Variants in DPP10 observed in about 807,000 individuals in gnomAD.
DPP10 encodes the protein dipeptidyl peptidase like 10.
A neutral mutation model predicts 120.9 loss-of-function variants in DPP10; 33 were observed. That is an observed-to-expected ratio of 0.27 (90% CI 0.21 to 0.37). The LOEUF is 0.37. DPP10 is among the 10% of genes least tolerant of loss of function. DPP10 has a pLI of 1.00. For missense variants in DPP10, 816 were observed against 942.8 expected, an observed-to-expected ratio of 0.87 and a Z score of 1.76; for synonymous variants, 337 against 326.1, an observed-to-expected ratio of 1.03 and a Z score of -0.36.
At chr2:115,826,834 G>T (rs1203681949) in intron 21 of DPP10, among the ~76,000 whole-genome samples, 1 of 151,952 alleles carries the variant, frequency 6.6e-6, no homozygotes, top group African/African-American at 2.4e-5. Flanking sequence ...ATCTATTTGT[G>T]TATTTACATT....
At chr2:115,499,661 T>G in intron 4 of DPP10, 57 bp downstream of exon 4, 1 of 1,292,676 alleles carries the variant, frequency 7.7e-7, no homozygotes, top group Non-Finnish European at 1.1e-6. Flanking sequence ...GAAAGCTCTC[T>G]AGATGTACAT....
chr2:115,122,780 A>G (rs548834518), intron 1 of DPP10, among the ~76,000 whole-genome samples: 1 of 152,170 alleles, frequency 6.6e-6, no homozygotes, highest in Non-Finnish European at 1.5e-5. Flanking sequence ...CTTAGGCTTT[A>G]GCCCTACCAC....
At chr2:115,638,946 C>T (rs949073845) in intron 5 of DPP10, among the ~76,000 whole-genome samples, 1 of 152,140 alleles carries the variant, frequency 6.6e-6, no homozygotes, top group Admixed American at 6.5e-5. Flanking sequence ...CTCAGGTAGA[C>T]AAGAAGCCAA....
chr2:114,667,707 A>G (rs1471164536), intron 1 of DPP10, among the ~76,000 whole-genome samples: 4 of 152,172 alleles, frequency 2.6e-5, no homozygotes, highest in African/African-American at 9.6e-5. Context: ...TACAGAGGGG[A>G]TAAGACTTCA....
At chr2:115,680,535 C>T (rs2090578668) in intron 5 of DPP10, among the ~76,000 whole-genome samples, 1 of 151,686 alleles carries the variant, frequency 6.6e-6, no homozygotes, top group Admixed American at 6.6e-5. Flanking sequence ...GAATAAAAAA[C>T]AAAAGTGGAT....
intron 1 of DPP10, among the ~76,000 whole-genome samples, chr2:114,896,531 C>T (rs1210173668): frequency 6.6e-6 from 1 of 151,862 alleles, no homozygotes; most frequent in East Asian, 1.9e-4. Flanking sequence ...ATTTGGCTCT[C>T]TGTTTGTCTG....
intron 5 of DPP10, among the ~76,000 whole-genome samples, chr2:115,548,277 A>G (rs984853680): frequency 2.0e-5 from 3 of 152,180 alleles, no homozygotes; most frequent in African/African-American, 7.2e-5. Context: ...CTTACCAACC[A>G]GAAAAGTGGA....
At chr2:115,483,448 T>C (rs1252101173) in intron 3 of DPP10, among the ~76,000 whole-genome samples, 1 of 76,168 alleles carries the variant, frequency 1.3e-5, no homozygotes, top group East Asian at 4.2e-4. Flanking sequence ...TCTATCTATC[T>C]ATCTATCTAT....
At position 114,529,752 on chromosome 2, in the gene DPP10, T is replaced by C. The variant is rs1685802851; in HGVS notation, c.60+86914T>C. On this transcript the variant is annotated intron_variant, in intron 1 of 25. Coordinates refer to ENST00000410059, the MANE Select transcript of DPP10 (RefSeq NM_020868.6). Reference sequence around the variant, plus strand: ...GGTTTGTTCCATAGGTAAATGTGTGTCAGGGGGGTTTGTTGTACAGATTAT... The same window carrying C: ...GGTTTGTTCCATAGGTAAATGTGTGCCAGGGGGGTTTGTTGTACAGATTAT... Among the ~76,000 whole-genome samples the C allele has an allele frequency of 2.6e-5, 4 of 152,268 alleles. No individual in the cohort carries two copies. In the Middle Eastern group the frequency reaches 0.014, roughly 518 times the overall value.
intron 1 of DPP10, among the ~76,000 whole-genome samples, chr2:114,681,214 A>T (rs1699005273): frequency 6.6e-6 from 1 of 151,940 alleles, no homozygotes; most frequent in East Asian, 1.9e-4. Context: ...TTGTTTTTAA[A>T]CACCATCATG....
At chr2:115,419,002 A>G (rs917130059) in intron 3 of DPP10, among the ~76,000 whole-genome samples, 1 of 152,140 alleles carries the variant, frequency 6.6e-6, no homozygotes, top group African/African-American at 2.4e-5. Flanking sequence ...TCTACAAACA[A>G]TATGAAGGGT....
At chr2:115,335,393 G>A (rs1019215164) in intron 2 of DPP10, among the ~76,000 whole-genome samples, 5 of 151,746 alleles carry the variant, frequency 3.3e-5, no homozygotes, top group African/African-American at 4.8e-5. Context: ...AGAAGAAACT[G>A]TTTTTCATTT....
intron 3 of DPP10, among the ~76,000 whole-genome samples, chr2:115,469,624 C>T (rs1476373663): frequency 2.6e-5 from 4 of 152,142 alleles, no homozygotes; most frequent in African/African-American, 9.6e-5. Flanking sequence ...CGAGGCTGAG[C>T]ATGGTGGGTC....
chr2:115,104,389 A>G (rs1255844480), intron 1 of DPP10, among the ~76,000 whole-genome samples: 1 of 152,036 alleles, frequency 6.6e-6, no homozygotes, highest in African/African-American at 2.4e-5. Context: ...ATGACCATAG[A>G]GTGAGATATT....
At chr2:115,192,739 T>G (rs2054972260) in intron 1 of DPP10, among the ~76,000 whole-genome samples, 1 of 152,134 alleles carries the variant, frequency 6.6e-6, no homozygotes, top group Non-Finnish European at 1.5e-5. Context: ...TGTAGACATA[T>G]TTATCCAATT....
intron 1 of DPP10, among the ~76,000 whole-genome samples, chr2:114,885,816 A>C (rs911240994): frequency 1.3e-5 from 2 of 152,234 alleles, no homozygotes; most frequent in Admixed American, 1.3e-4. Context: ...TTGACTTCCT[A>C]GTTGCAATCC....
chr2:114,990,437 C>T (rs1418625672), intron 1 of DPP10, among the ~76,000 whole-genome samples: 2 of 151,962 alleles, frequency 1.3e-5, no homozygotes, highest in East Asian at 3.9e-4. Context: ...TTTCAGCCAT[C>T]TATCTATTTA....
intron 1 of DPP10, among the ~76,000 whole-genome samples, chr2:114,457,175 C>T (rs980098497): frequency 3.3e-5 from 5 of 152,180 alleles, no homozygotes; most frequent in African/African-American, 1.2e-4. Flanking sequence ...TACGCAGACT[C>T]TGTTGGTCAA....
At chr2:115,806,273 A>G (rs776479763) in intron 19 of DPP10, among the ~76,000 whole-genome samples, 1 of 152,172 alleles carries the variant, frequency 6.6e-6, no homozygotes, top group Non-Finnish European at 1.5e-5. Context: ...TGTTGAGGTC[A>G]ACTTTTATAA....
Sources: gnomAD v4.1 joint callset for allele counts (sites outside exome capture counted in the v4.1 genomes callset) on GRCh38, gnomAD v4.1.1 for gene constraint, MANE v1.5 for transcripts, NCBI Gene and HGNC (gene_info 2026-07-23, HGNC 2026-07-21) for gene names.